ITSN2: variants seen among roughly 807,000 people sequenced by gnomAD.
The protein encoded by ITSN2 is intersectin-2.
ITSN2 carries 156 observed loss-of-function variants against 243.7 expected under a neutral mutation model. The observed-to-expected ratio is 0.64, with a 90% CI of 0.56 to 0.73. ITSN2 has a LOEUF of 0.73. ITSN2 is among the 30% of genes least tolerant of loss of function. ITSN2 has a pLI of 0.00. For synonymous variants in ITSN2, 703 were observed against 699.9 expected (o/e 1.00, Z -0.07); for missense variants, 1,801 against 1,996.1 (o/e 0.90, Z 1.86).
chr2:24,342,316 G>A (rs1478316269), intron 1 of ITSN2, among the ~76,000 whole-genome samples: 1 of 151,802 alleles, frequency 6.6e-6, no homozygotes. Flanking sequence ...TCCCACCTCA[G>A]CTTTTCAAGC....
chr2:24,313,599 G>A (rs989559693), intron 3 of ITSN2, 76 bp from the exon 4 acceptor site: 17 of 928,056 alleles, frequency 1.8e-5, no homozygotes, highest in Admixed American at 6.9e-5. Flanking sequence ...ATAATAATGG[G>A]TATATGTTAA....
chr2:24,305,601 A>AAG (rs1399660897), intron 8 of ITSN2, among the ~76,000 whole-genome samples: 1 of 150,410 alleles, frequency 6.6e-6, no homozygotes, highest in Non-Finnish European at 1.5e-5. Context: ...AAAAAAAAAA[A>AAG]GGATCACCAA....
At position 24,204,675 on chromosome 2, in the gene ITSN2, G is replaced by C. The variant is rs1668665260; in HGVS notation, c.4763-257C>G. On this transcript the variant is annotated intron_variant, in intron 38 of 39. Coordinates refer to ENST00000355123, the MANE Select transcript of ITSN2 (RefSeq NM_006277.3). The surrounding 1 kb of genome is among the most constrained non-coding windows in gnomAD (Gnocchi z 5.1). Reference sequence around the variant, plus strand: ...CACTCCGCACGGAACAATCCTGGGTGAGTGTCACTGCAACCTGCTGCATGC... The same window carrying C: ...CACTCCGCACGGAACAATCCTGGGTCAGTGTCACTGCAACCTGCTGCATGC... 1 of 604,480 alleles carries C rather than the reference G, an allele frequency of 1.7e-6. No individual in the cohort carries two copies. Among genetic ancestry groups the C allele is most frequent in the Non-Finnish European group, 3.1e-6 (1 of 322,630 alleles). 37.4% of individuals were successfully genotyped at this position (604,480 alleles called of 1,614,324 possible).
chr2:24,340,543 G>A lies in ITSN2; in HGVS notation c.-33-12428C>T, dbSNP rs191797535. ...CATCAAGATGAAGAAAGTCAAAATC[G>A]TCGCAGTCCCCAAAGTCCCCTCATG... On this transcript the variant is annotated intron_variant, in intron 1 of 39. Coordinates refer to ENST00000355123, the MANE Select transcript of ITSN2 (RefSeq NM_006277.3). Among the ~76,000 whole-genome samples, 74 of 151,790 alleles carry A rather than the reference G, an allele frequency of 4.9e-4. 1 individual carries two copies. The highest frequency in any genetic ancestry group is 1.3e-3 in the Admixed American group (20 of 15,236).
chr2:24,302,101 T>C lies in ITSN2; in HGVS notation c.859A>G (p.Thr287Ala), dbSNP rs754041111. The change falls in exon 10 of 40, where the codon ACT becomes GCT. Residue 287 changes from threonine to alanine, a missense_variant and splice_region_variant. Around this residue, in one of 5 missense-constraint regions of ITSN2, gnomAD observed 787 missense variants for 803.9 expected, o/e 0.98. Transcript: ENST00000355123. ...CCATCACCATCAACGTCAGCCAGAG[T>C]CCTAAAGAAAATGTTAAAATTCACA... ...LSQTQLATIW[T>A]LADVDGDGQL... 1.3e-6 allele frequency: 2 copies of C among 1,595,736 alleles called. No homozygotes were observed. The highest frequency in any genetic ancestry group is 2.3e-5 in the South Asian group (2 of 88,120).
chr2:24,353,407 G>A (rs572242451), intron 1 of ITSN2, among the ~76,000 whole-genome samples: 1 of 152,116 alleles, frequency 6.6e-6, no homozygotes, highest in Non-Finnish European at 1.5e-5. Flanking sequence ...GGCCAGCCTG[G>A]GAAACATGGT....
chr2:24,244,762 T>G (rs1162072412), intron 29 of ITSN2, among the ~76,000 whole-genome samples: 4 of 152,236 alleles, frequency 2.6e-5, no homozygotes, highest in Non-Finnish European at 5.9e-5. Flanking sequence ...CCAATATTTT[T>G]GGGACTATTC....
At chr2:24,227,437 A>G (rs1671155022) in intron 29 of ITSN2, among the ~76,000 whole-genome samples, 1 of 152,210 alleles carries the variant, frequency 6.6e-6, no homozygotes, top group South Asian at 2.1e-4. Context: ...CAAGACACAT[A>G]ATGAAGGGCT....
At chr2:24,316,638 G>C (rs1321304612) in intron 2 of ITSN2, among the ~76,000 whole-genome samples, 3 of 152,320 alleles carry the variant, frequency 2.0e-5, no homozygotes, top group East Asian at 3.9e-4. Context: ...AATTCACAAA[G>C]ATAGTACATG....
chr2:24,284,681 TAAAGGCAA>T, intron 17 of ITSN2, 74 bp downstream of exon 17: 1 of 814,828 alleles, frequency 1.2e-6, no homozygotes, highest in Non-Finnish European at 2.1e-6. Context: ...GATACTCAGA[TAAAGGCAA>T]AGAATAGTCT....
intron 29 of ITSN2, chr2:24,239,843 C>T (rs1296606554): frequency 2.0e-5 from 3 of 152,050 alleles, no homozygotes; most frequent in Non-Finnish European, 2.9e-5. Context: ...TTCTTAAATA[C>T]ATGACAAAAT....
chr2:24,322,749 C>T (rs549222534), intron 2 of ITSN2, among the ~76,000 whole-genome samples: 56 of 152,234 alleles, frequency 3.7e-4, no homozygotes, highest in Non-Finnish European at 7.4e-4. Flanking sequence ...AAAATTTCCA[C>T]TCTCTTAAAG....
chr2:24,220,458 A>G, intron 30 of ITSN2: 1 of 989,360 alleles, frequency 1.0e-6, no homozygotes, highest in Non-Finnish European at 1.2e-6. Flanking sequence ...GAACTATTTT[A>G]CAATATGCTC....
chr2:24,260,140 T>C (rs886506560), intron 22 of ITSN2, among the ~76,000 whole-genome samples: 30 of 152,270 alleles, frequency 2.0e-4, no homozygotes, highest in Admixed American at 1.8e-3. Context: ...AGGTTGATCT[T>C]GAACTCCTGG....
chr2:24,279,323 TC>T (rs750217131), intron 17 of ITSN2, among the ~76,000 whole-genome samples: 26 of 152,204 alleles, frequency 1.7e-4, no homozygotes, highest in Admixed American at 2.0e-4. Flanking sequence ...GATTCTACTT[TC>T]CCTCTATGGA....
intron 17 of ITSN2, among the ~76,000 whole-genome samples, chr2:24,283,379 T>C (rs185376735): frequency 1.0e-3 from 154 of 152,212 alleles, no homozygotes; most frequent in African/African-American, 3.6e-3. Context: ...CATCCGCCAC[T>C]ATGCCTAGAT....
At chr2:24,282,676 T>A (rs560862344) in intron 17 of ITSN2, among the ~76,000 whole-genome samples, 1 of 152,174 alleles carries the variant, frequency 6.6e-6, no homozygotes, top group South Asian at 2.1e-4. Context: ...AGCCTGCCCA[T>A]CTGTATGCTC....
Position 24,248,684 on chromosome 2 carries a change from T to C in ITSN2, c.3233A>G (p.Gln1078Arg), listed in dbSNP as rs1395723550. The C allele has an allele frequency of 2.5e-6, 4 of 1,612,568 alleles. No individual in the cohort carries two copies. Among genetic ancestry groups the C allele is most frequent in the South Asian group, 2.2e-5 (2 of 90,952 alleles). Residue 1078 changes from glutamine (Q) to arginine (R), a missense_variant, in exon 27 of 40, where the codon CAG (glutamine) becomes CGG (arginine). Coordinates refer to ENST00000355123, the MANE Select transcript of ITSN2 (RefSeq NM_006277.3). ...ATTTTTCTTTAGAATTAATATTAAC[T>C]GTCCTGGTGCAAGGCTAAGTTGTTC... ...GSEQLSLAPGQLILILKKNTS... is the reference protein window; with the variant it reads ...GSEQLSLAPGRLILILKKNTS...
At chr2:24,357,939 G>C (rs534649917) in intron 1 of ITSN2, among the ~76,000 whole-genome samples, 7 of 152,132 alleles carry the variant, frequency 4.6e-5, no homozygotes, top group African/African-American at 1.7e-4. Flanking sequence ...GTTTGAGACG[G>C]AGTCTCACTC....
Sources: allele counts gnomAD v4.1 joint callset (sites outside exome capture counted in the v4.1 genomes callset), GRCh38; gene constraint gnomAD v4.1.1; regional missense constraint gnomAD v4.1.1; non-coding constraint Gnocchi (gnomAD v3.1); transcripts MANE v1.5; gene names NCBI Gene and HGNC (gene_info 2026-07-23, HGNC 2026-07-21).